The following SLC5A10 variants were observed in gnomAD, a reference collection of about 807,000 sequenced individuals.
The protein encoded by SLC5A10 is solute carrier family 5 member 10.
SLC5A10 carries 55 observed loss-of-function variants against 68.9 expected under a neutral mutation model. The ratio of observed to expected loss-of-function variants is 0.80; its 90% CI spans 0.64 to 1.00. The LOEUF (loss-of-function observed/expected upper bound fraction) is 1.00, where lower values mean the gene tolerates loss of function less well. SLC5A10 is among the 50% of genes least tolerant of loss of function. The pLI is 0.00. For missense variants in SLC5A10, 732 were observed against 819.3 expected (o/e 0.89, Z 1.30); for synonymous variants, 344 against 344.8 (o/e 1.00, Z 0.02).
chr17:19,003,725 C>T lies in SLC5A10; in HGVS notation c.983-9685C>T, dbSNP rs772093535. The T allele has an allele frequency of 5.6e-6, 9 of 1,604,192 alleles. No individual in the cohort carries two copies. In the East Asian group the frequency reaches 1.8e-4, roughly 32 times the overall value. On this transcript the variant is annotated intron_variant, in intron 9 of 14. Coordinates refer to ENST00000395645, the MANE Select transcript of SLC5A10 (RefSeq NM_001042450.4). This position sits in a 1 kb window ranked among gnomAD's most constrained non-coding sequence, Gnocchi z 4.5. Reference sequence around the variant, plus strand: ...CAGCGGCTCGGCCTCGATGGGGACCCCATCCGCCCCGCTGGCTTCCTCGCC... The same window carrying T: ...CAGCGGCTCGGCCTCGATGGGGACCTCATCCGCCCCGCTGGCTTCCTCGCC...
chr17:18,991,880 G>T lies in SLC5A10; in HGVS notation c.982+14891G>T, dbSNP rs374502446. Reference sequence around the variant, plus strand: ...AAGATGCAGCTGCAGAACCCAGGAGGCCCAATGCCCAAGACAACCATCTGA... The same window carrying T: ...AAGATGCAGCTGCAGAACCCAGGAGTCCCAATGCCCAAGACAACCATCTGA... On this transcript the variant is annotated intron_variant, in intron 9 of 14. Transcript: ENST00000395645. Among the ~76,000 whole-genome samples the T allele has an allele frequency of 5.3e-5, 8 of 152,330 alleles. No individual in the cohort carries two copies. The East Asian group carries it at 1.4e-3, about 26-fold the overall frequency.
chr17:18,966,491 C>T (rs1004203153), intron 5 of SLC5A10, among the ~76,000 whole-genome samples: 10 of 152,150 alleles, frequency 6.6e-5, no homozygotes, highest in African/African-American at 1.9e-4. Flanking sequence ...GGGCCGGGTG[C>T]GGTGGCTCAC....
chr17:19,014,081 C>T (rs1456485587), intron 10 of SLC5A10, among the ~76,000 whole-genome samples: 2 of 152,310 alleles, frequency 1.3e-5, no homozygotes, highest in East Asian at 3.9e-4. Context: ...GACACAGAAC[C>T]GAGGCCAGAC....
intron 9 of SLC5A10, among the ~76,000 whole-genome samples, chr17:18,992,033 G>A (rs758313769): frequency 1.8e-4 from 27 of 152,144 alleles, no homozygotes; most frequent in Non-Finnish European, 3.7e-4. Flanking sequence ...CTCCTCCAGT[G>A]AGCCAACAGC....
Position 19,019,444 on chromosome 17 carries a change from C to A in SLC5A10, c.1263C>A (p.Ile421=), listed in dbSNP as rs769210868. 2 of 1,611,056 alleles carry A rather than the reference C, an allele frequency of 1.2e-6. No homozygotes were observed. Among genetic ancestry groups the A allele is most frequent in the Non-Finnish European group, 1.7e-6 (2 of 1,179,790 alleles). The change falls in exon 12 of 15, where the codon ATC becomes ATA. Residue 421 remains isoleucine (I), a synonymous_variant. Coordinates refer to ENST00000395645, the MANE Select transcript of SLC5A10 (RefSeq NM_001042450.4). ...GCAGGCTGGTCATAGTGGCACTCAT[C>A]GGCGTGAGTGTGGCCTGGATCCCCG... is the stretch of plus-strand genomic sequence containing the variant. The part of the protein sequence containing the change: ...LVGRLVIVAL[I]GVSVAWIPVL...
At chr17:19,019,346 C>A in intron 11 of SLC5A10, 77 bp from the exon 12 acceptor site, 3 of 1,521,668 alleles carry the variant, frequency 2.0e-6, no homozygotes, top group Non-Finnish European at 1.8e-6. Context: ...GAGAGCAAGT[C>A]TTAGTGACCA....
In SLC5A10 at chr17:19,017,615, G is replaced by A. The variant is rs2044168061; in HGVS notation, c.1242-1808G>A. 1 of 533,556 alleles carries A rather than the reference G, an allele frequency of 1.9e-6. No homozygotes were observed. The allele number at this position is 533,556 out of a possible 1,614,324, so 33.1% of individuals were successfully genotyped here. A position where few individuals can be genotyped will look rare whatever the true frequency, so the allele number is the denominator to read the frequency against. On this transcript the variant is annotated intron_variant, in intron 11 of 14. Coordinates refer to ENST00000395645, the MANE Select transcript of SLC5A10 (RefSeq NM_001042450.4). The surrounding 1 kb of genome is among the most constrained non-coding windows in gnomAD (Gnocchi z 5.6). ...CCCCACTCCCGTATGCCTGCCCCAA[G>A]CCCCCACACCTCAGTCCACTGTTCC...
chr17:18,986,543 T>C (rs1597865949), intron 9 of SLC5A10, among the ~76,000 whole-genome samples: 1 of 152,292 alleles, frequency 6.6e-6, no homozygotes, highest in South Asian at 2.1e-4. Context: ...TCAAGGCCCC[T>C]TCAGGCCCAG....
intron 9 of SLC5A10, among the ~76,000 whole-genome samples, chr17:19,008,501 A>ATTT (rs201812786): frequency 7.1e-6 from 1 of 141,654 alleles, no homozygotes. Context: ...AGCCTCACAG[A>ATTT]TTTTTTTTTT....
Position 18,996,160 on chromosome 17 carries a change from A to G in SLC5A10, c.983-17250A>G, listed in dbSNP as rs2043567209. Among the ~76,000 whole-genome samples, 2 of 152,110 alleles carry G rather than the reference A, an allele frequency of 1.3e-5. No individual in the cohort carries two copies. The highest frequency in any genetic ancestry group is 2.9e-5 in the Non-Finnish European group (2 of 68,022). ...GGAAAAAAAAAAAAATCAACTTAGA[A>G]TTTTATACCCAGTAAAAATACATTT... is the stretch of plus-strand genomic sequence containing the variant. On this transcript the variant is annotated intron_variant, in intron 9 of 14. Coordinates refer to ENST00000395645, the MANE Select transcript of SLC5A10 (RefSeq NM_001042450.4). The surrounding 1 kb of genome is among the most constrained non-coding windows in gnomAD (Gnocchi z 4.4).
intron 5 of SLC5A10, among the ~76,000 whole-genome samples, chr17:18,962,758 G>A (rs953034617): frequency 6.6e-6 from 1 of 152,158 alleles, no homozygotes; most frequent in Non-Finnish European, 1.5e-5. Context: ...GACAAGAGGA[G>A]GCCAGGCTTG....
At chr17:18,985,654 G>A (rs1444833986) in intron 9 of SLC5A10, among the ~76,000 whole-genome samples, 3 of 152,222 alleles carry the variant, frequency 2.0e-5, no homozygotes, top group Non-Finnish European at 2.9e-5. Flanking sequence ...CTGGCCACCC[G>A]CCCAGGGCTG....
chr17:18,965,882 G>A (rs1047239792), intron 5 of SLC5A10, among the ~76,000 whole-genome samples: 1 of 152,220 alleles, frequency 6.6e-6, no homozygotes, highest in Non-Finnish European at 1.5e-5. Context: ...CTCTTAGGAC[G>A]GTGGGACTTT....
At chr17:18,994,136 T>C (rs540656628) in intron 9 of SLC5A10, among the ~76,000 whole-genome samples, 1 of 152,324 alleles carries the variant, frequency 6.6e-6, no homozygotes, top group Non-Finnish European at 1.5e-5. Context: ...CATCATGACC[T>C]TGGATTCAAC....
chr17:18,958,689 G>T lies in SLC5A10; in HGVS notation c.119G>T (p.Cys40Phe). ...CCTTTTCTCCTCTTGCAGTCCTCTT[G>T]TCGGGCCAGTAGGAACACGGTGAAT... The part of the protein sequence containing the change: ...LNVAVGIWSS[C>F]RASRNTVNGY... The change falls in exon 2 of 15, where the codon TGT becomes TTT. Residue 40 changes from cysteine to phenylalanine, a missense_variant. Coordinates refer to ENST00000395645, the MANE Select transcript of SLC5A10 (RefSeq NM_001042450.4). 1.2e-6 allele frequency: 2 copies of T among 1,614,176 alleles called. No homozygotes were observed. Among genetic ancestry groups the T allele is most frequent in the Non-Finnish European group, 1.7e-6 (2 of 1,180,020 alleles).
At chr17:19,001,376 C>T (rs1371137807) in intron 9 of SLC5A10, among the ~76,000 whole-genome samples, 2 of 152,184 alleles carry the variant, frequency 1.3e-5, no homozygotes, top group African/African-American at 4.8e-5. Flanking sequence ...TCTGAGGCCC[C>T]CACTGTGGGA....
chr17:18,953,750 A>G (rs1163109580), intron 1 of SLC5A10: 1 of 152,680 alleles, frequency 6.5e-6, no homozygotes, highest in African/African-American at 2.4e-5. Context: ...AATCTGGAAC[A>G]TTTTGAACAC....
Position 19,022,560 on chromosome 17 carries a change from C to T in SLC5A10, c.*2129C>T, listed in dbSNP as rs942033196. On this transcript the variant is annotated 3_prime_UTR_variant, in exon 15 of 15. Transcript: ENST00000395645. ...ATGGGCCTTATAAACTGTAAAGTGA[C>T]GTGCAGCTAAGAGTCGTGTTTATTG... 6.4e-5 allele frequency: 11 copies of T among 171,220 alleles called. No homozygotes were observed. Among genetic ancestry groups the T allele is most frequent in the African/African-American group, 9.5e-5 (4 of 42,248 alleles). 10.6% of individuals were successfully genotyped at this position (171,220 alleles called of 1,614,324 possible). A position where few individuals can be genotyped will look rare whatever the true frequency, so the allele number is the denominator to read the frequency against.
chr17:18,957,677 G>A (rs1372053324), intron 1 of SLC5A10, among the ~76,000 whole-genome samples: 1 of 152,138 alleles, frequency 6.6e-6, no homozygotes, highest in African/African-American at 2.4e-5. Flanking sequence ...TGTTGGCCAG[G>A]ATGGACTCGT....
Sources: gnomAD v4.1 joint callset for allele counts (sites outside exome capture counted in the v4.1 genomes callset) on GRCh38, gnomAD v4.1.1 for gene constraint, Gnocchi (gnomAD v3.1) non-coding constraint, MANE v1.5 for transcripts, NCBI Gene and HGNC (gene_info 2026-07-23, HGNC 2026-07-21) for gene names.